The following MAPRE2 variants were observed in gnomAD, a reference collection of about 807,000 sequenced individuals.
MAPRE2 encodes the protein microtubule-associated protein RP/EB family member 2.
In MAPRE2, 13 loss-of-function variants were observed where a neutral mutation model predicts 43.2. The ratio of observed to expected loss-of-function variants is 0.30; its 90% confidence interval spans 0.20 to 0.48. The LOEUF (loss-of-function observed/expected upper bound fraction) is 0.48, where lower values mean the gene tolerates loss of function less well. MAPRE2 is among the 20% of genes least tolerant of loss of function. MAPRE2 has a pLI of 0.99. For missense variants in MAPRE2, 161 were observed against 400.2 expected (o/e 0.40, Z 5.10); for synonymous variants, 135 against 148.8 (o/e 0.91, Z 0.68).
intron 2 of MAPRE2, among the ~76,000 whole-genome samples, chr18:35,007,202 G>T (rs2097032252): frequency 6.6e-6 from 1 of 152,270 alleles, no homozygotes; most frequent in South Asian, 2.1e-4. Flanking sequence ...ATAGTAGGTG[G>T]TCCATATGTC....
intron 1 of MAPRE2, among the ~76,000 whole-genome samples, chr18:35,055,824 G>A (rs1158263343): frequency 6.6e-6 from 1 of 151,958 alleles, no homozygotes; most frequent in Non-Finnish European, 1.5e-5. Context: ...GTGTGGTGGT[G>A]CCAGCCTGTA....
intron 2 of MAPRE2, among the ~76,000 whole-genome samples, chr18:35,018,038 A>G (rs1226927499): frequency 3.9e-5 from 6 of 152,052 alleles, no homozygotes. Flanking sequence ...ATTTTTATCA[A>G]AAGCTTTTTC....
intron 5 of MAPRE2, among the ~76,000 whole-genome samples, chr18:35,130,490 C>G (rs1449798362): frequency 6.6e-6 from 1 of 152,128 alleles, no homozygotes; most frequent in African/African-American, 2.4e-5. Context: ...AGGATGGACA[C>G]TGCATGGGCT....
At chr18:34,983,959 C>G (rs497814) in intron 1 of MAPRE2, among the ~76,000 whole-genome samples, 2,341 of 152,246 alleles carry the variant, frequency 0.015, 39 homozygotes, top group African/African-American at 0.038. Context: ...CTAAAACATG[C>G]ATTTACTGTA....
intron 5 of MAPRE2, 33 bp downstream of exon 5, chr18:35,127,120 G>T (rs1909941833): frequency 1.9e-6 from 3 of 1,613,388 alleles, no homozygotes; most frequent in Non-Finnish European, 8.5e-7. Context: ...GCCTCTAGGA[G>T]CAGTGACGTG....
At chr18:35,081,077 T>C (rs1021607508) in intron 2 of MAPRE2, among the ~76,000 whole-genome samples, 2 of 152,224 alleles carry the variant, frequency 1.3e-5, no homozygotes, top group Non-Finnish European at 2.9e-5. Flanking sequence ...TGACAGCTCA[T>C]GGAAGAACTT....
rs973706495 is a variant in MAPRE2 at position 35,132,297 on chromosome 18, T to A, written c.909+107T>A. On this transcript the variant is annotated intron_variant, in intron 6 of 6. Coordinates refer to ENST00000300249, the MANE Select transcript of MAPRE2 (RefSeq NM_014268.4). ...ACTTCCCCAGGACCTCAATGAGAAT[T>A]ACTGCTCAGCCAAGTGCACCTGATA... is the stretch of plus-strand genomic sequence containing the variant. 6.9e-6 allele frequency: 7 copies of A among 1,010,794 alleles called. No individual in the cohort carries two copies. In the African/African-American group the frequency reaches 9.6e-5, roughly 14 times the overall value. 62.6% of individuals were successfully genotyped at this position (1,010,794 alleles called of 1,614,324 possible).
chr18:35,064,000 T>A (rs2920476), intron 1 of MAPRE2, among the ~76,000 whole-genome samples: 3,012 of 33,940 alleles, frequency 0.089, 205 homozygotes, highest in East Asian at 0.25. Context: ...CCTGTCTCTT[T>A]AAAAAAAAAA....
At chr18:35,129,461 G>T (rs1484013717) in intron 5 of MAPRE2, among the ~76,000 whole-genome samples, 1 of 152,182 alleles carries the variant, frequency 6.6e-6, no homozygotes, top group African/African-American at 2.4e-5. Context: ...TTGGCCTCCT[G>T]CATTTTCTCA....
intron 1 of MAPRE2, among the ~76,000 whole-genome samples, chr18:34,987,331 T>G (rs1488625016): frequency 6.6e-6 from 1 of 152,178 alleles, no homozygotes; most frequent in Non-Finnish European, 1.5e-5. Context: ...CAGCATCACC[T>G]AGGAGTGTCT....
chr18:35,024,418 G>T (rs530984465), intron 2 of MAPRE2, among the ~76,000 whole-genome samples: 1 of 152,272 alleles, frequency 6.6e-6, no homozygotes, highest in East Asian at 1.9e-4. Context: ...TGCAATAGTT[G>T]CTGAAAGCCT....
chr18:35,092,653 ACAGT>A (rs1482765759), intron 2 of MAPRE2, among the ~76,000 whole-genome samples: 25 of 152,344 alleles, frequency 1.6e-4, no homozygotes, highest in African/African-American at 7.2e-5. Context: ...AGCAAAGGAA[ACAGT>A]CAGCAGAATG....
chr18:35,129,928 TG>T, intron 5 of MAPRE2, among the ~76,000 whole-genome samples: 1 of 152,384 alleles, frequency 6.6e-6, no homozygotes, highest in Non-Finnish European at 1.5e-5. Context: ...GCTTGCCAAT[TG>T]ATCTTTCATC....
chr18:35,041,759 T>C (rs1370279639), intron 1 of MAPRE2, 98 bp downstream of exon 1: 1 of 1,586,088 alleles, frequency 6.3e-7, no homozygotes, highest in Non-Finnish European at 8.6e-7. Flanking sequence ...CTGCGACCCC[T>C]GCTGCAGGCA....
upstream of MAPRE2, among the ~76,000 whole-genome samples, chr18:35,039,725 A>G (rs1012220100): frequency 2.0e-5 from 3 of 152,246 alleles, no homozygotes; most frequent in Admixed American, 1.3e-4. Context: ...CAGGAATGAC[A>G]AAGTGTTTAC....
chr18:35,133,483 C>G (rs74784473), intron 6 of MAPRE2, among the ~76,000 whole-genome samples: 3,664 of 152,190 alleles, frequency 0.024, 138 homozygotes, highest in African/African-American at 0.083. Flanking sequence ...AGTGCTTGCC[C>G]TCTGTAAGCA....
intron 1 of MAPRE2, among the ~76,000 whole-genome samples, chr18:35,063,990 C>T (rs1176632199): frequency 1.1e-5 from 1 of 91,576 alleles, no homozygotes; most frequent in Non-Finnish European, 2.3e-5. Context: ...CGAGTGAGAC[C>T]CTGTCTCTTT....
At chr18:35,053,806 A>G in intron 1 of MAPRE2, among the ~76,000 whole-genome samples, 1 of 152,198 alleles carries the variant, frequency 6.6e-6, no homozygotes, top group Non-Finnish European at 1.5e-5. Flanking sequence ...GTAGAAGGAG[A>G]GAGAGGAGCA....
chr18:35,123,346 A>T (rs773380102), intron 4 of MAPRE2, among the ~76,000 whole-genome samples: 1 of 152,048 alleles, frequency 6.6e-6, no homozygotes, highest in Non-Finnish European at 1.5e-5. Flanking sequence ...CCAGAACATG[A>T]GTGTGTCTGA....
Sources: gnomAD v4.1 joint callset for allele counts (sites outside exome capture counted in the v4.1 genomes callset) on GRCh38, gnomAD v4.1.1 for gene constraint, MANE v1.5 for transcripts, NCBI Gene and HGNC (gene_info 2026-07-23, HGNC 2026-07-21) for gene names.